The following TRRAP variants were observed in gnomAD, a reference collection of about 807,000 sequenced individuals.
TRRAP encodes the protein transformation/transcription domain-associated protein.
In TRRAP, 41 loss-of-function variants were observed where a neutral mutation model predicts 438.8. The ratio of observed to expected loss-of-function variants is 0.09; its 90% CI spans 0.07 to 0.12. TRRAP has a LOEUF of 0.12. TRRAP is among the 10% of genes least tolerant of loss of function. TRRAP has a pLI of 1.00. For synonymous variants in TRRAP, 1,994 were observed against 1,962.9 expected, an observed-to-expected ratio of 1.02 and a Z score of -0.42; for missense variants, 3,122 against 5,055.1, an observed-to-expected ratio of 0.62 and a Z score of 11.60.
rs1789540869 is a variant in TRRAP at position 98,916,850 on chromosome 7, G to A, written c.2366-573G>A. 2.6e-5 allele frequency among the ~76,000 whole-genome samples: 4 copies of A among 152,248 alleles called. No individual in the cohort carries two copies. In the South Asian group the frequency reaches 8.3e-4, roughly 32 times the overall value. ...CTGCCCCGTGAGGCCATCCCTGATG[G>A]CTTCTCTTCTCCCTGAGTTCTCGTC... On this transcript the variant is annotated intron_variant, in intron 19 of 72. Coordinates refer to ENST00000456197, the MANE Select transcript of TRRAP (RefSeq NM_001375524.1).
At chr7:98,990,802 A>G (rs1793398687) in intron 64 of TRRAP, among the ~76,000 whole-genome samples, 183 bp downstream of exon 64, 2 of 152,264 alleles carry the variant, frequency 1.3e-5, no homozygotes, top group South Asian at 2.1e-4. Context: ...ATTAAAGAAT[A>G]TATCAGAGTT....
Position 99,004,101 on chromosome 7 carries a change from G to A in TRRAP, c.10310-89G>A, listed in dbSNP as rs930677542. 58 of 1,230,216 alleles carry A rather than the reference G, an allele frequency of 4.7e-5. No individual in the cohort carries two copies. The Middle Eastern group carries it at 1.8e-3, about 39-fold the overall frequency. 76.2% of individuals were successfully genotyped at this position (1,230,216 alleles called of 1,614,324 possible). ...AACAAACAAACAAAACATGTAATTC[G>A]TAGCTGGTAGGGGCTTGAGCGTTTT... On this transcript the variant is annotated intron_variant, in intron 67 of 72. Transcript: ENST00000456197.
rs1791233165 is a variant in TRRAP at position 98,949,496 on chromosome 7, T to A, written c.4868T>A (p.Leu1623Gln). ...CCCAACAGGTTCATCACCCTGCTGC[T>A]GCCGGGGGGTGCCCAGACGGCTGTG... Reference protein sequence around the residue: ...ANPNRFITLLLPGGAQTAVRP... With the variant: ...ANPNRFITLLQPGGAQTAVRP... Residue 1623 changes from leucine (L) to glutamine (Q), a missense_variant, in exon 36 of 73, where the codon CTG becomes CAG. Leu to Gln is a moderately radical substitution (Grantham distance 113). This residue lies in a region of TRRAP where 272 missense variants were observed against 348.5 expected (regional missense o/e 0.78). Transcript: ENST00000456197. 3 of 1,611,152 alleles carry A rather than the reference T, an allele frequency of 1.9e-6. No individual in the cohort carries two copies. The Admixed American group carries it at 5.1e-5, about 27-fold the overall frequency.
rs781942215 is a variant in TRRAP at position 98,927,234 on chromosome 7, C to T, written c.3043C>T (p.Arg1015Trp). The T allele has an allele frequency of 3.7e-6, 6 of 1,614,090 alleles. No homozygotes were observed. Among genetic ancestry groups the T allele is most frequent in the South Asian group, 1.1e-5 (1 of 91,086 alleles). ...CTACAAAGCCCAGGACACTCCAGCC[C>T]GGAAGACTTTTGAGCAGGCCCTGAC... is the stretch of plus-strand genomic sequence containing the variant. ...HRYKAQDTPARKTFEQALTGA... is the reference protein window; with the variant it reads ...HRYKAQDTPAWKTFEQALTGA... Residue 1015 changes from arginine (R) to tryptophan (W), a missense_variant, in exon 23 of 73, where the codon CGG becomes TGG. This residue lies in a region of TRRAP where 133 missense variants were observed against 188.6 expected (regional missense o/e 0.71). Transcript: ENST00000456197.
Position 98,910,223 on chromosome 7 carries a change from A to AC in TRRAP, c.1520dup (p.Pro508SerfsTer65). On this transcript the variant is annotated frameshift_variant, in exon 15 of 73. Coordinates refer to ENST00000456197, the MANE Select transcript of TRRAP (RefSeq NM_001375524.1). LOFTEE classifies it high-confidence loss of function. ...CCTCCCCAGCCCCTGTCCCTGCCCC[A>AC]CCTCCACCCCCGCCCCCACCCCCAC... 3 of 257,394 alleles carry AC rather than the reference A, an allele frequency of 1.2e-5. No individual in the cohort carries two copies. The highest frequency in any genetic ancestry group is 7.9e-5 in the South Asian group (2 of 25,200). 15.9% of individuals were successfully genotyped at this position (257,394 alleles called of 1,614,324 possible).
At chr7:98,998,415 C>T (rs1793770324) in intron 67 of TRRAP, 1 of 153,292 alleles carries the variant, frequency 6.5e-6, no homozygotes, top group Admixed American at 6.5e-5. Flanking sequence ...GTTCTTCCAT[C>T]TCTTCTACAC....
chr7:98,976,978 C>G lies in TRRAP; in HGVS notation c.8287C>G (p.Gln2763Glu), dbSNP rs780250812. 1 of 1,614,152 alleles carries G rather than the reference C, an allele frequency of 6.2e-7. No individual in the cohort carries two copies. The highest frequency in any genetic ancestry group is 1.7e-5 in the Admixed American group (1 of 60,020). ...DSLAELYSLL[Q>E]EEDMWAGLWQ... ...CCTTGCGGAGCTTTACTCCCTGTTA[C>G]AAGAGGAAGATATGTGGGCTGGTCT... The change falls in exon 56 of 73, where the codon CAA (glutamine) becomes GAA (glutamate). Residue 2763 changes from glutamine (Q) to glutamate (E), a missense_variant. Physicochemically the swap from Gln to Glu is conservative, Grantham distance 29. Around this residue, in one of 24 missense-constraint regions of TRRAP, gnomAD observed 992 missense variants for 1,281.2 expected, o/e 0.77. Transcript: ENST00000456197. The surrounding 1 kb of genome is among the most constrained non-coding windows in gnomAD (Gnocchi z 4.6).
At position 98,953,206 on chromosome 7, in the gene TRRAP, C is replaced by T. The variant is rs376198787; in HGVS notation, c.5503C>T (p.Leu1835=). The T allele has an allele frequency of 1.9e-6, 3 of 1,613,262 alleles. No individual in the cohort carries two copies. Among genetic ancestry groups the T allele is most frequent in the South Asian group, 1.1e-5 (1 of 91,042 alleles). Residue 1835 remains leucine (L), a synonymous_variant, in exon 40 of 73, where the codon CTG becomes TTG. Coordinates refer to ENST00000456197, the MANE Select transcript of TRRAP (RefSeq NM_001375524.1). Reference sequence around the variant, plus strand: ...GAAGCAGGCGGACATGCTGGACTCGCTGCGGATCTACCTGCTGCAGTACGC... The same window carrying T: ...GAAGCAGGCGGACATGCTGGACTCGTTGCGGATCTACCTGCTGCAGTACGC... ...PEKQADMLDS[L]RIYLLQYATL...
At chr7:98,959,651 C>T (rs980944704) in intron 45 of TRRAP, among the ~76,000 whole-genome samples, 161 bp downstream of exon 45, 1 of 152,118 alleles carries the variant, frequency 6.6e-6, no homozygotes, top group African/African-American at 2.4e-5. Flanking sequence ...CCACATTGGC[C>T]TCCACTGCTC....
intron 22 of TRRAP, 34 bp downstream of exon 22, chr7:98,925,297 G>A (rs782195397): frequency 6.2e-7 from 1 of 1,605,762 alleles, no homozygotes; most frequent in Non-Finnish European, 8.5e-7. Flanking sequence ...GTGGTTGGGT[G>A]GATCCTGTTT....
intron 31 of TRRAP, 32 bp from the exon 32 acceptor site, chr7:98,945,715 A>G (rs1420120335): frequency 6.3e-7 from 1 of 1,596,128 alleles, no homozygotes; most frequent in Non-Finnish European, 8.5e-7. Flanking sequence ...TAACATAAAT[A>G]GAAAAAAGAT....
At chr7:98,893,714 A>AGT in intron 5 of TRRAP, 84 bp from the exon 6 acceptor site, 1 of 1,175,208 alleles carries the variant, frequency 8.5e-7, no homozygotes, top group Non-Finnish European at 1.2e-6. Flanking sequence ...GTTGATGGAA[A>AGT]GTGTGTGTGC....
chr7:98,935,728 G>A, intron 28 of TRRAP, 53 bp downstream of exon 28: 1 of 1,412,708 alleles, frequency 7.1e-7, no homozygotes, highest in Non-Finnish European at 9.6e-7. Flanking sequence ...CTGACCACAG[G>A]AGGTCTATAG....
intron 5 of TRRAP, 27 bp downstream of exon 5, chr7:98,892,555 G>C (rs544525121): frequency 6.6e-7 from 1 of 1,522,300 alleles, no homozygotes; most frequent in East Asian, 2.3e-5. Flanking sequence ...AATTCTTGTC[G>C]TATAGCCGTA....
In TRRAP at chr7:98,948,546, C is replaced by T; in HGVS notation, c.4669-20C>T. 1.2e-6 allele frequency: 2 copies of T among 1,614,194 alleles called. No individual in the cohort carries two copies. The highest frequency in any genetic ancestry group is 1.7e-6 in the Non-Finnish European group (2 of 1,180,046). ...GAGAAGAGGAAGTTGTGAGATGCAG[C>T]ATTCCCACATGTTTTGCAGGCGGGG... On this transcript the variant is annotated intron_variant, in intron 34 of 72. Transcript: ENST00000456197. This position sits in a 1 kb window ranked among gnomAD's most constrained non-coding sequence, Gnocchi z 4.9.
Position 99,012,226 on chromosome 7 carries a change from C to T in TRRAP, c.11493C>T (p.Ala3831=). The T allele has an allele frequency of 6.2e-7, 1 of 1,614,128 alleles. No individual in the cohort carries two copies. Among genetic ancestry groups the T allele is most frequent in the Non-Finnish European group, 8.5e-7 (1 of 1,180,000 alleles). ...LVSLVQKAVT[A]IMTRLHNLAQ... ...CCCTGGTTCAGAAAGCCGTCACCGC[C>T]ATCATGACCCGCCTGCACAACCTCG... Residue 3831 remains alanine, a synonymous_variant, in exon 73 of 73, where the codon GCC becomes GCT. Transcript: ENST00000456197. The surrounding 1 kb of genome is among the most constrained non-coding windows in gnomAD (Gnocchi z 5.9).
chr7:98,965,123 C>CA (rs1246720867), intron 48 of TRRAP, among the ~76,000 whole-genome samples: 2 of 152,234 alleles, frequency 1.3e-5, no homozygotes, highest in East Asian at 3.9e-4. Context: ...GACTCTCTCT[C>CA]ACGTGTGCAT....
At chr7:98,941,161 T>G (rs1790779451) in intron 30 of TRRAP, among the ~76,000 whole-genome samples, 1 of 152,184 alleles carries the variant, frequency 6.6e-6, no homozygotes. Flanking sequence ...TTATTAAGTC[T>G]TTTATGTGGT....
Position 98,983,299 on chromosome 7 carries a change from A to G in TRRAP, c.8862A>G (p.Ala2954=), listed in dbSNP as rs1421341477. Residue 2954 remains alanine (A), a synonymous_variant, in exon 60 of 73, where the codon GCA becomes GCG. Transcript: ENST00000456197. The part of the protein sequence containing the change: ...AQQIIELQEA[A]QINAGLQPTN... ...AAATCATCGAACTCCAGGAAGCTGC[A>G]CAAATCAACGCAGGCTTACAGCCAA... is the stretch of plus-strand genomic sequence containing the variant. 6.2e-7 allele frequency: 1 copy of G among 1,614,044 alleles called. No individual in the cohort carries two copies. Among genetic ancestry groups the G allele is most frequent in the Non-Finnish European group, 8.5e-7 (1 of 1,179,962 alleles).
Sources: gnomAD v4.1 joint callset for allele counts (sites outside exome capture counted in the v4.1 genomes callset) on GRCh38, gnomAD v4.1.1 for gene constraint, gnomAD v4.1.1 regional missense constraint, Gnocchi (gnomAD v3.1) non-coding constraint, MANE v1.5 for transcripts, NCBI Gene and HGNC (gene_info 2026-07-23, HGNC 2026-07-21) for gene names.